UBR3: variants seen among roughly 807,000 people sequenced by gnomAD.
The protein encoded by UBR3 is ubiquitin protein ligase E3 component n-recognin 3.
A neutral mutation model predicts 243.2 loss-of-function variants in UBR3; 85 were observed. That is an observed-to-expected ratio of 0.35 (90% confidence interval 0.29 to 0.42). The LOEUF is 0.42. Among genes scored for constraint, UBR3 ranks in the 10% least tolerant of loss-of-function variants. The probability of loss-of-function intolerance (pLI) is 1.00; values close to 1 mark genes in which losing one functional copy is unlikely to be tolerated. For missense variants in UBR3, 1,686 were observed against 2,300.8 expected, an observed-to-expected ratio of 0.73 and a Z score of 5.47; for synonymous variants, 748 against 799.8, an observed-to-expected ratio of 0.94 and a Z score of 1.09.
chr2:170,015,503 T>C (rs2090209923), intron 30 of UBR3, 137 bp downstream of exon 30: 4 of 565,490 alleles, frequency 7.1e-6, no homozygotes, highest in Non-Finnish European at 1.2e-5. Flanking sequence ...ATACTTTAAA[T>C]GGCTAATCTT....
At chr2:169,847,252 G>C (rs1388852833) in intron 1 of UBR3, among the ~76,000 whole-genome samples, 1 of 151,960 alleles carries the variant, frequency 6.6e-6, no homozygotes, top group Non-Finnish European at 1.5e-5. Context: ...CCATCATCTT[G>C]TTTCCTGTTT....
intron 32 of UBR3, among the ~76,000 whole-genome samples, chr2:170,053,179 G>A (rs2091259719): frequency 6.6e-6 from 1 of 152,164 alleles, no homozygotes; most frequent in Admixed American, 6.5e-5. Flanking sequence ...GATTTCAGGA[G>A]GGGTCCCACC....
intron 1 of UBR3, among the ~76,000 whole-genome samples, chr2:169,841,138 C>G (rs1401318883): frequency 1.3e-5 from 2 of 152,084 alleles, no homozygotes; most frequent in African/African-American, 4.8e-5. Context: ...CTTTTTTATT[C>G]TTTACCTGGC....
At chr2:169,983,307 C>CTGTA (rs2088842138) in intron 24 of UBR3, among the ~76,000 whole-genome samples, 1 of 129,932 alleles carries the variant, frequency 7.7e-6, no homozygotes. Flanking sequence ...GTCACCCAGG[C>CTGTA]TGTAGTATGG....
chr2:169,891,613 G>GACACACACACACACAC (rs3082964), intron 6 of UBR3, among the ~76,000 whole-genome samples: 40 of 148,918 alleles, frequency 2.7e-4, no homozygotes, highest in African/African-American at 7.9e-4. Context: ...GAGAGACAGA[G>GACACACACACACACAC]ACACACACAC....
At chr2:169,880,691 T>G (rs2083787627) in intron 5 of UBR3, among the ~76,000 whole-genome samples, 9 of 152,180 alleles carry the variant, frequency 5.9e-5, no homozygotes, top group Admixed American at 5.2e-4. Context: ...CAGATAATTT[T>G]AAATATTGCC....
At chr2:169,985,395 A>G (rs957785038) in intron 24 of UBR3, among the ~76,000 whole-genome samples, 47 of 151,130 alleles carry the variant, frequency 3.1e-4, no homozygotes, top group Non-Finnish European at 5.5e-4. Context: ...TGCCTGCCCA[A>G]TTTTTTGTAT....
intron 11 of UBR3, among the ~76,000 whole-genome samples, chr2:169,919,349 G>T (rs749229983): frequency 1.3e-5 from 2 of 152,170 alleles, no homozygotes; most frequent in African/African-American, 2.4e-5. Flanking sequence ...TGTTAGTCAA[G>T]GTTCTTTTAA....
At position 169,890,591 on chromosome 2, in the gene UBR3, A is replaced by ATG. The variant is rs1491405043; in HGVS notation, c.1039-572_1039-571dup. On this transcript the variant is annotated intron_variant, in intron 5 of 38. Coordinates refer to ENST00000272793, the MANE Select transcript of UBR3 (RefSeq NM_172070.4). The stretch of plus-strand genomic sequence containing the variant: ...TGTATATATATATATGTATATATAT[A>ATG]TGTATATATATGTATATATATCATT... Among the ~76,000 whole-genome samples the ATG allele has an allele frequency of 5.2e-4, 53 of 102,100 alleles. 1 individual carries two copies. The highest frequency in any genetic ancestry group is 3.0e-3 in the East Asian group (11 of 3,656). The allele number at this position is 102,100 out of a possible 152,430, so 67.0% of individuals were successfully genotyped here.
At chr2:169,832,634 G>C (rs1443576501) in intron 1 of UBR3, among the ~76,000 whole-genome samples, 3 of 149,102 alleles carry the variant, frequency 2.0e-5, no homozygotes, top group African/African-American at 7.4e-5. Context: ...TGCAGTCATT[G>C]TCAGAAATGC....
At chr2:169,942,732 CAA>C in intron 20 of UBR3, 98 bp downstream of exon 20, 2 of 1,199,846 alleles carry the variant, frequency 1.7e-6, no homozygotes, top group Non-Finnish European at 2.2e-6. Context: ...ACTTATAAAG[CAA>C]AGTGTATTTA....
chr2:169,910,425 A>G (rs918393683), intron 10 of UBR3, among the ~76,000 whole-genome samples: 19 of 152,150 alleles, frequency 1.2e-4, no homozygotes, highest in Non-Finnish European at 2.9e-5. Flanking sequence ...TGTGTTTAGG[A>G]TGAATTTTAA....
intron 35 of UBR3, among the ~76,000 whole-genome samples, chr2:170,065,764 G>A (rs1210213076): frequency 6.6e-6 from 1 of 152,010 alleles, no homozygotes; most frequent in Non-Finnish European, 1.5e-5. Context: ...CACTTGCAAA[G>A]TTTTTTATTC....
chr2:169,962,927 G>C (rs1009278333), intron 24 of UBR3, among the ~76,000 whole-genome samples: 1 of 152,094 alleles, frequency 6.6e-6, no homozygotes, highest in Non-Finnish European at 1.5e-5. Context: ...TTTGGTCCTA[G>C]TAATTGTCTC....
chr2:169,990,118 G>T (rs760331937), intron 25 of UBR3, among the ~76,000 whole-genome samples: 31 of 152,068 alleles, frequency 2.0e-4, no homozygotes, highest in Non-Finnish European at 3.5e-4. Flanking sequence ...ATACTTTATT[G>T]CCATGTTCTT....
intron 8 of UBR3, among the ~76,000 whole-genome samples, chr2:169,898,576 A>C (rs927647800): frequency 6.7e-6 from 1 of 149,248 alleles, no homozygotes; most frequent in African/African-American, 2.5e-5. Flanking sequence ...CAAAGCCTGT[A>C]CTCTTTCTTA....
At chr2:170,070,641 C>T (rs2091678227) in intron 35 of UBR3, among the ~76,000 whole-genome samples, 1 of 152,110 alleles carries the variant, frequency 6.6e-6, no homozygotes, top group Admixed American at 6.6e-5. Flanking sequence ...TTGTAGGATA[C>T]AGATAGATGT....
At chr2:169,903,951 TTC>T (rs2084921928) in intron 8 of UBR3, among the ~76,000 whole-genome samples, 2 of 152,194 alleles carry the variant, frequency 1.3e-5, no homozygotes, top group African/African-American at 4.8e-5. Context: ...GCAAAGTATT[TTC>T]AGGATATGAT....
chr2:169,929,381 C>G (rs1194918853), intron 18 of UBR3, among the ~76,000 whole-genome samples: 1 of 152,070 alleles, frequency 6.6e-6, no homozygotes, highest in Admixed American at 6.6e-5. Context: ...TCGAGACCAT[C>G]CTGGCCAACA....
Sources: allele counts gnomAD v4.1 joint callset (sites outside exome capture counted in the v4.1 genomes callset), GRCh38; gene constraint gnomAD v4.1.1; transcripts MANE v1.5; gene names NCBI Gene and HGNC (gene_info 2026-07-23, HGNC 2026-07-21).